The following ERMAP variants were observed in gnomAD, a reference collection of about 807,000 sequenced individuals.
The protein encoded by ERMAP is erythroid membrane-associated protein.
ERMAP carries 34 observed loss-of-function variants against 49.5 expected under a neutral mutation model. The ratio of observed to expected loss-of-function variants is 0.69; its 90% CI spans 0.52 to 0.91. The LOEUF is 0.91. Ranked by LOEUF, ERMAP falls within the 40% of genes least tolerant of loss-of-function variation. The pLI is 0.00. For missense variants in ERMAP, 541 were observed against 582.6 expected (o/e 0.93, Z 0.74); for synonymous variants, 214 against 232.2 (o/e 0.92, Z 0.71).
chr1:42,830,967 G>A lies in ERMAP; in HGVS notation c.285G>A (p.Lys95=). 6.2e-7 allele frequency: 1 copy of A among 1,614,246 alleles called. No homozygotes were observed. The highest frequency in any genetic ancestry group is 1.7e-5 in the Admixed American group (1 of 60,034). ...ATGAAGATCTGATGCCGGAATATAAGGGGAGGACGGTGCTAGTGAGAGATG... is the reference window on the plus strand; with the variant it reads ...ATGAAGATCTGATGCCGGAATATAAAGGGAGGACGGTGCTAGTGAGAGATG... ...DQDEDLMPEY[K]GRTVLVRDAQ... Residue 95 remains lysine (K), a synonymous_variant, in exon 4 of 12, where the codon AAG becomes AAA. Coordinates refer to ENST00000372517, the MANE Select transcript of ERMAP (RefSeq NM_001017922.2).
chr1:42,842,436 G>C, intron 11 of ERMAP, 81 bp from the exon 12 acceptor site: 2 of 1,289,142 alleles, frequency 1.6e-6, no homozygotes, highest in South Asian at 2.9e-5. Flanking sequence ...GCAGACCTAA[G>C]ATTCTTTTTC....
chr1:42,833,239 A>G (rs1654799288), intron 4 of ERMAP, among the ~76,000 whole-genome samples: 1 of 152,266 alleles, frequency 6.6e-6, no homozygotes, highest in Admixed American at 6.5e-5. Context: ...TTTAAATTCT[A>G]AGAATAAAGC....
intron 6 of ERMAP, among the ~76,000 whole-genome samples, 156 bp downstream of exon 6, chr1:42,835,920 T>TA (rs1654883260): frequency 6.6e-6 from 1 of 152,218 alleles, no homozygotes; most frequent in Non-Finnish European, 1.5e-5. Context: ...TTCCAGTTTT[T>TA]ACTGCCTCTT....
In ERMAP at chr1:42,843,336, C is replaced by A. The variant is rs967734117; in HGVS notation, c.*104C>A. The A allele has an allele frequency of 2.1e-5, 16 of 759,204 alleles. No individual in the cohort carries two copies. The African/African-American group carries it at 2.8e-4, about 13-fold the overall frequency. The allele number at this position is 759,204 out of a possible 1,614,324, so 47.0% of individuals were successfully genotyped here. The stretch of plus-strand genomic sequence containing the variant: ...TATGGAACGTCTCTTCACCTTAACC[C>A]AAATCCAGACCCTTTTGTGGTTTCT... On this transcript the variant is annotated 3_prime_UTR_variant, in exon 12 of 12. Coordinates refer to ENST00000372517, the MANE Select transcript of ERMAP (RefSeq NM_001017922.2).
rs1268370749 is a variant in ERMAP at position 42,819,120 on chromosome 1, G to A, written c.-122+1867G>A. ...CTGAGCCACTGTTGAAAGTGGAGAA[G>A]GTGTGATGAGTTGGTTTGGGAAACG... On this transcript the variant is annotated intron_variant, in intron 1 of 11. Coordinates refer to ENST00000372517, the MANE Select transcript of ERMAP (RefSeq NM_001017922.2). This position sits in a 1 kb window ranked among gnomAD's most constrained non-coding sequence, Gnocchi z 5.1. Among the ~76,000 whole-genome samples, 1 of 151,622 alleles carries A rather than the reference G, an allele frequency of 6.6e-6. No homozygotes were observed. The highest frequency in any genetic ancestry group is 1.5e-5 in the Non-Finnish European group (1 of 67,930).
chr1:42,839,700 A>G (rs1317046620), intron 8 of ERMAP: 7 of 435,022 alleles, frequency 1.6e-5, no homozygotes, highest in Admixed American at 7.7e-5. Context: ...ACAAAGTCCA[A>G]TACTCAGTGA....
intron 1 of ERMAP, among the ~76,000 whole-genome samples, chr1:42,820,716 T>C (rs12065700): frequency 0.34 from 52,153 of 151,936 alleles, 9,235 homozygotes; most frequent in Non-Finnish European, 0.38. Flanking sequence ...CTTGCTCTTA[T>C]GTTGTGGATT....
intron 2 of ERMAP, among the ~76,000 whole-genome samples, chr1:42,827,133 G>A (rs570233341): frequency 6.6e-6 from 1 of 152,122 alleles, no homozygotes; most frequent in African/African-American, 2.4e-5. Flanking sequence ...GTAGCACTTG[G>A]TGAAAATATC....
chr1:42,821,372 TG>T (rs1326767699), intron 1 of ERMAP, among the ~76,000 whole-genome samples: 18 of 152,344 alleles, frequency 1.2e-4, no homozygotes, highest in African/African-American at 4.3e-4. Flanking sequence ...TGATTATTAC[TG>T]GATTCTGAGA....
chr1:42,839,670 T>C (rs890054664), intron 8 of ERMAP: 6 of 319,628 alleles, frequency 1.9e-5, no homozygotes, highest in African/African-American at 8.4e-5. Context: ...AATTATTACA[T>C]TGAGAAAATA....
At position 42,840,278 on chromosome 1, in the gene ERMAP, A is replaced by G; in HGVS notation, c.694A>G (p.Arg232Gly). 1 of 1,614,168 alleles carries G rather than the reference A, an allele frequency of 6.2e-7. No individual in the cohort carries two copies. The highest frequency in any genetic ancestry group is 8.5e-7 in the Non-Finnish European group (1 of 1,180,036). Residue 232 changes from arginine to glycine, a missense_variant, in exon 11 of 12, where the codon AGA (arginine) becomes GGA (glycine). By Grantham distance (125) the Arg-to-Gly change is moderately radical. Coordinates refer to ENST00000372517, the MANE Select transcript of ERMAP (RefSeq NM_001017922.2). ...CTTTTCTCATTTTTCAGGCTGGAGA[A>G]GAGCCCGGTTGCATTTTGGTAAGTT... ...KRAAANSGWR[R>G]ARLHFVAVTL... is the part of the protein sequence containing the mutation.
At chr1:42,835,542 C>G (rs1286797204) in intron 5 of ERMAP, among the ~76,000 whole-genome samples, 190 bp from the exon 6 acceptor site, 2 of 152,142 alleles carry the variant, frequency 1.3e-5, no homozygotes, top group Non-Finnish European at 2.9e-5. Flanking sequence ...CTTTGAAAGT[C>G]ACAGTCATGT....
chr1:42,839,553 T>G (rs184169701), intron 8 of ERMAP: 2 of 172,078 alleles, frequency 1.2e-5, no homozygotes, highest in Non-Finnish European at 2.5e-5. Context: ...GAGGTTGCAG[T>G]GAGCCGAGAT....
chr1:42,830,360 G>A (rs1324872932), intron 2 of ERMAP, 84 bp from the exon 3 acceptor site: 38 of 1,209,894 alleles, frequency 3.1e-5, no homozygotes, highest in South Asian at 4.9e-5. Context: ...CAGCAATACC[G>A]TCTCGGCCTC....
rs141803620 is a variant in ERMAP, at chr1:42,840,041, C to A, written c.646C>A (p.Arg216=). The change falls in exon 9 of 12, where the codon CGG becomes AGG. Residue 216 remains arginine (R), a synonymous_variant. Coordinates refer to ENST00000372517, the MANE Select transcript of ERMAP (RefSeq NM_001017922.2). ...TTGTTTTCATTCTTTAGAGAAACTCCGGAGTGAACTGAGTAAGTTTCCCAT... is the reference window on the plus strand; with the variant it reads ...TTGTTTTCATTCTTTAGAGAAACTCAGGAGTGAACTGAGTAAGTTTCCCAT... The part of the protein sequence containing the change: ...GKLHKAVKKL[R]SELKLKRAAA... 1 of 1,614,018 alleles carries A rather than the reference C, an allele frequency of 6.2e-7. No homozygotes were observed. The highest frequency in any genetic ancestry group is 1.3e-5 in the African/African-American group (1 of 74,898).
At position 42,844,754 on chromosome 1, in the gene ERMAP, C is replaced by G. The variant is rs1197846328; in HGVS notation, c.*1522C>G. The G allele has an allele frequency of 1.3e-5, 2 of 152,224 alleles. No individual in the cohort carries two copies. Among genetic ancestry groups the G allele is most frequent in the East Asian group, 3.8e-4 (2 of 5,204 alleles). 9.4% of individuals were successfully genotyped at this position (152,224 alleles called of 1,614,324 possible). A position where few individuals can be genotyped will look rare whatever the true frequency, so the allele number is the denominator to read the frequency against. ...GTTCTATTCAGGCCTTCAACTGATTCAGCAAGGCCCGCCCACATTTGGGAG... is the reference window on the plus strand; with the variant it reads ...GTTCTATTCAGGCCTTCAACTGATTGAGCAAGGCCCGCCCACATTTGGGAG... On this transcript the variant is annotated 3_prime_UTR_variant, in exon 12 of 12. Coordinates refer to ENST00000372517, the MANE Select transcript of ERMAP (RefSeq NM_001017922.2). The surrounding 1 kb of genome is among the most constrained non-coding windows in gnomAD (Gnocchi z 4.0).
chr1:42,817,390 G>T, intron 1 of ERMAP, 137 bp downstream of exon 1: 1 of 453,838 alleles, frequency 2.2e-6, no homozygotes, highest in Non-Finnish European at 3.1e-6. Flanking sequence ...GCGGCCGCGC[G>T]TGCGCAGAGA....
rs1449743127 is a variant in ERMAP, at chr1:42,842,876, G to T, written c.1072G>T (p.Val358Leu). 2 of 1,614,070 alleles carry T rather than the reference G, an allele frequency of 1.2e-6. No individual in the cohort carries two copies. The highest frequency in any genetic ancestry group is 1.7e-6 in the Non-Finnish European group (2 of 1,180,050). The change falls in exon 12 of 12, where the codon GTG becomes TTG. Residue 358 changes from valine (V) to leucine (L), a missense_variant. Coordinates refer to ENST00000372517, the MANE Select transcript of ERMAP (RefSeq NM_001017922.2). ...SFRLKEPPRC[V>L]GIFLDYEAGV... ...CCGCCTTAAAGAGCCTCCACGGTGT[G>T]TGGGGATTTTCCTGGACTATGAAGC...
intron 6 of ERMAP, 89 bp from the exon 7 acceptor site, chr1:42,837,069 C>A: frequency 7.4e-7 from 1 of 1,350,606 alleles, no homozygotes; most frequent in Non-Finnish European, 1.1e-6. Context: ...TAGAGGTGGA[C>A]AGGTCCAAGG....
Sources: allele counts gnomAD v4.1 joint callset (sites outside exome capture counted in the v4.1 genomes callset), GRCh38; gene constraint gnomAD v4.1.1; non-coding constraint Gnocchi (gnomAD v3.1); transcripts MANE v1.5; gene names NCBI Gene and HGNC (gene_info 2026-07-23, HGNC 2026-07-21).